The following TFB1M variants were observed in gnomAD, a reference collection of about 807,000 sequenced individuals.
TFB1M encodes the protein dimethyladenosine transferase 1, mitochondrial.
A neutral mutation model predicts 31.1 loss-of-function variants in TFB1M; 27 were observed. The observed-to-expected ratio is 0.87, with a 90% confidence interval of 0.64 to 1.20. TFB1M has a LOEUF of 1.20. Among genes scored for constraint, TFB1M ranks in the 50% most tolerant of loss-of-function variants. The pLI is 0.00. For missense variants in TFB1M, 394 were observed against 418.7 expected, an observed-to-expected ratio of 0.94 and a Z score of 0.51; for synonymous variants, 166 against 151.8, an observed-to-expected ratio of 1.09 and a Z score of -0.69.
At position 155,257,000 on chromosome 6, in the gene TFB1M, A is replaced by G. The variant is rs751308298; in HGVS notation, c.*836T>C. Reference sequence around the variant, plus strand: ...ATCCGTCACCAGTCCCTTGACAGTCAGTCTGAAAATGCCACCATCGACCTA... The same window carrying G: ...ATCCGTCACCAGTCCCTTGACAGTCGGTCTGAAAATGCCACCATCGACCTA... On this transcript the variant is annotated 3_prime_UTR_variant, in exon 7 of 7. Coordinates refer to ENST00000367166, the MANE Select transcript of TFB1M (RefSeq NM_016020.4). The G allele has an allele frequency of 6.2e-7, 1 of 1,614,222 alleles. No homozygotes were observed. The highest frequency in any genetic ancestry group is 1.1e-5 in the South Asian group (1 of 91,084).
chr6:155,300,615 T>C (rs144496928), intron 2 of TFB1M, among the ~76,000 whole-genome samples: 4 of 152,308 alleles, frequency 2.6e-5, no homozygotes, highest in East Asian at 3.9e-4. Context: ...ATGATGTCAA[T>C]ATATAGAAAG....
At chr6:155,237,462 C>A in the TFB1M span, among the ~76,000 whole-genome samples, 3 of 152,258 alleles carry the variant, frequency 2.0e-5, no homozygotes, top group Admixed American at 6.5e-5. Context: ...CACAACTCCA[C>A]TAGGCGGTGC....
intron 2 of TFB1M, among the ~76,000 whole-genome samples, chr6:155,307,064 T>C (rs1226267774): frequency 6.6e-6 from 1 of 151,934 alleles, no homozygotes; most frequent in Admixed American, 6.6e-5. Context: ...AAGGCTGCAG[T>C]GAGCTGTTGA....
chr6:155,263,110 C>T (rs1342710439), intron 5 of TFB1M, among the ~76,000 whole-genome samples: 1 of 152,194 alleles, frequency 6.6e-6, no homozygotes. Flanking sequence ...CCACCCCTTC[C>T]TCTCCCTTTC....
chr6:155,247,170 C>T, the TFB1M span, among the ~76,000 whole-genome samples: 3 of 152,210 alleles, frequency 2.0e-5, no homozygotes, highest in Non-Finnish European at 4.4e-5. Context: ...CCTTACTTTA[C>T]AGGAGAAAAG....
chr6:155,248,237 A>T, the TFB1M span: 1 of 1,554,324 alleles, frequency 6.4e-7, no homozygotes, highest in Non-Finnish European at 8.7e-7. Flanking sequence ...AGGGGCTGCC[A>T]GCCGTGCCCT....
chr6:155,234,003 T>G, the TFB1M span, among the ~76,000 whole-genome samples: 73,900 of 146,732 alleles, frequency 0.5, 19,527 homozygotes, highest in African/African-American at 0.6. Flanking sequence ...AAATTTTTTT[T>G]GGGGGGGGGT....
chr6:155,231,764 G>A, the TFB1M span, among the ~76,000 whole-genome samples: 304 of 152,358 alleles, frequency 2.0e-3, 3 homozygotes, highest in Middle Eastern at 6.8e-3. Context: ...AGATGTGCAG[G>A]ATCCACCTCC....
downstream of TFB1M, among the ~76,000 whole-genome samples, chr6:155,252,603 A>G (rs1158274700): frequency 6.6e-6 from 1 of 152,200 alleles, no homozygotes; most frequent in Non-Finnish European, 1.5e-5. Context: ...TTTATTTTCA[A>G]ATGCCTTTTA....
chr6:155,229,882 G>A, the TFB1M span, among the ~76,000 whole-genome samples: 1 of 152,050 alleles, frequency 6.6e-6, no homozygotes, highest in Non-Finnish European at 1.5e-5. Context: ...GTGTGCAGGG[G>A]AACTGCCCTT....
intron 1 of TFB1M, among the ~76,000 whole-genome samples, chr6:155,313,399 T>G (rs932412922): frequency 1.2e-4 from 19 of 152,208 alleles, no homozygotes; most frequent in Non-Finnish European, 2.5e-4. Flanking sequence ...ATGAACTTTT[T>G]GGGTGTGATT....
chr6:155,268,351 T>C (rs1212194156), intron 5 of TFB1M, among the ~76,000 whole-genome samples: 1 of 152,168 alleles, frequency 6.6e-6, no homozygotes, highest in African/African-American at 2.4e-5. Flanking sequence ...ACCAAAGTGT[T>C]TCCCCTTAAC....
intron 2 of TFB1M, among the ~76,000 whole-genome samples, chr6:155,299,311 G>C (rs1368959766): frequency 6.6e-6 from 1 of 152,032 alleles, no homozygotes; most frequent in South Asian, 2.1e-4. Flanking sequence ...TTCCCTTGTA[G>C]TCTTTTTCTT....
At chr6:155,249,918 T>C in the TFB1M span, 2 of 1,614,080 alleles carry the variant, frequency 1.2e-6, no homozygotes, top group African/African-American at 2.7e-5. Flanking sequence ...ATGAGGATTA[T>C]GGGACCGTGT....
chr6:155,296,780 T>TA (rs1777195766), intron 4 of TFB1M, among the ~76,000 whole-genome samples, 173 bp downstream of exon 4: 1 of 151,934 alleles, frequency 6.6e-6, no homozygotes, highest in South Asian at 2.1e-4. Context: ...CCACAGCAGT[T>TA]ACATCTGTCA....
chr6:155,266,882 A>C (rs1784666796), intron 5 of TFB1M, among the ~76,000 whole-genome samples: 1 of 150,018 alleles, frequency 6.7e-6, no homozygotes, highest in Non-Finnish European at 1.5e-5. Flanking sequence ...AGAATGACCA[A>C]ATGAGCCAGT....
the TFB1M span, chr6:155,240,464 T>C: frequency 1.3e-6 from 2 of 1,507,666 alleles, no homozygotes; most frequent in East Asian, 2.3e-5. Flanking sequence ...CTTGGTGCCC[T>C]TGGGGGCAGC....
intron 2 of TFB1M, among the ~76,000 whole-genome samples, chr6:155,310,073 T>C (rs1422522232): frequency 6.6e-6 from 1 of 152,216 alleles, no homozygotes; most frequent in African/African-American, 2.4e-5. Context: ...CACAAAGTTC[T>C]AGGTTTTCAA....
the TFB1M span, among the ~76,000 whole-genome samples, chr6:155,240,063 T>C: frequency 4.6e-5 from 7 of 152,256 alleles, no homozygotes; most frequent in Admixed American, 1.3e-4. Context: ...TAATTGCTCT[T>C]GGGCTGTGCC....
Sources: allele counts gnomAD v4.1 joint callset (sites outside exome capture counted in the v4.1 genomes callset), GRCh38; gene constraint gnomAD v4.1.1; transcripts MANE v1.5; gene names NCBI Gene and HGNC (gene_info 2026-07-23, HGNC 2026-07-21).